The following ABL2 variants were observed in gnomAD, a reference collection of about 807,000 sequenced individuals.
ABL2 encodes tyrosine-protein kinase ABL2.
Under a neutral mutation model 107.7 loss-of-function variants are expected in ABL2, and 49 were observed. The ratio of observed to expected loss-of-function variants is 0.45; its 90% confidence interval spans 0.36 to 0.58. The LOEUF is 0.58. ABL2 is among the 20% of genes least tolerant of loss of function. The pLI, the probability that ABL2 is intolerant of heterozygous loss-of-function variation, is 0.00. For missense variants in ABL2, 1,245 were observed against 1,457.0 expected, an observed-to-expected ratio of 0.85 and a Z score of 2.37; for synonymous variants, 549 against 548.6, an observed-to-expected ratio of 1.00 and a Z score of -0.01.
intron 1 of ABL2, among the ~76,000 whole-genome samples, chr1:179,137,554 T>G (rs1657153175): frequency 6.6e-6 from 1 of 152,108 alleles, no homozygotes; most frequent in South Asian, 2.1e-4. Flanking sequence ...TTTGAAATTA[T>G]AAGAGAAAAA....
chr1:179,208,964 T>C (rs1455800225), intron 1 of ABL2, among the ~76,000 whole-genome samples: 2 of 152,128 alleles, frequency 1.3e-5, no homozygotes, highest in East Asian at 1.9e-4. Context: ...AAGCAAAAAA[T>C]AGGCACTAAC....
intron 1 of ABL2, among the ~76,000 whole-genome samples, chr1:179,168,548 G>C (rs1359378164): frequency 6.6e-6 from 1 of 152,140 alleles, no homozygotes; most frequent in African/African-American, 2.4e-5. Context: ...AAAACTTGTA[G>C]TGAAAAAGGT....
chr1:179,155,720 G>C lies in ABL2; in HGVS notation c.158-22346C>G, dbSNP rs142300928. On this transcript the variant is annotated intron_variant, in intron 1 of 11. Transcript: ENST00000502732. ...CACTCCAGTCTGGGAGACAGAGCAAGACTCCATCTCAATTAAAAAAAAAAA... is the reference window on the plus strand; with the variant it reads ...CACTCCAGTCTGGGAGACAGAGCAACACTCCATCTCAATTAAAAAAAAAAA... Among the ~76,000 whole-genome samples, 687 of 142,930 alleles carry C rather than the reference G, an allele frequency of 4.8e-3. 3 individuals are homozygous for C. The highest frequency in any genetic ancestry group is 7.6e-3 in the East Asian group (38 of 5,008). 93.8% of individuals were successfully genotyped at this position (142,930 alleles called of 152,430 possible). A position where few individuals can be genotyped will look rare whatever the true frequency, so the allele number is the denominator to read the frequency against.
chr1:179,194,414 CA>C (rs1661189376), intron 1 of ABL2, among the ~76,000 whole-genome samples: 1 of 152,114 alleles, frequency 6.6e-6, no homozygotes, highest in African/African-American at 2.4e-5. Context: ...CCTAAAGAGC[CA>C]GGGGTTATCA....
At chr1:179,146,321 A>T (rs1420116192) in intron 1 of ABL2, among the ~76,000 whole-genome samples, 3 of 152,160 alleles carry the variant, frequency 2.0e-5, no homozygotes, top group African/African-American at 7.2e-5. Flanking sequence ...ACTTGGATAC[A>T]ACATAAGAGA....
rs1463662287 is a variant in ABL2 at position 179,105,326 on chromosome 1, C to CA, written c.*2391dup. On this transcript the variant is annotated 3_prime_UTR_variant, in exon 12 of 12. Coordinates refer to ENST00000502732, the MANE Select transcript of ABL2 (RefSeq NM_007314.4). ...GAGCCCTTGCTTAAAAAACAAAAAA[C>CA]AAAAAAACCCTGAAAAACAATTACA... The CA allele has an allele frequency of 3.5e-5, 8 of 231,078 alleles. No individual in the cohort carries two copies. Among genetic ancestry groups the CA allele is most frequent in the African/African-American group, 4.4e-5 (2 of 45,160 alleles). The allele number at this position is 231,078 out of a possible 1,614,324, so 14.3% of individuals were successfully genotyped here. A position where few individuals can be genotyped will look rare whatever the true frequency, so the allele number is the denominator to read the frequency against.
chr1:179,163,609 T>C (rs1228331429), intron 1 of ABL2, among the ~76,000 whole-genome samples: 1 of 152,052 alleles, frequency 6.6e-6, no homozygotes, highest in Non-Finnish European at 1.5e-5. Flanking sequence ...TAGCTGGGCA[T>C]TGTGGCAGGT....
intron 1 of ABL2, among the ~76,000 whole-genome samples, chr1:179,140,166 A>C (rs940508295): frequency 6.6e-6 from 1 of 152,240 alleles, no homozygotes; most frequent in East Asian, 1.9e-4. Context: ...AAGGTCCTTC[A>C]CAATTGGTCT....
intron 8 of ABL2, 51 bp from the exon 9 acceptor site, chr1:179,115,081 T>G: frequency 6.6e-7 from 1 of 1,515,304 alleles, no homozygotes; most frequent in Non-Finnish European, 8.9e-7. Flanking sequence ...CGATTATTTA[T>G]TTTACATAAT....
chr1:179,226,045 A>G (rs1298413039), intron 1 of ABL2, among the ~76,000 whole-genome samples: 2 of 60,922 alleles, frequency 3.3e-5, no homozygotes, highest in African/African-American at 5.9e-5. Flanking sequence ...CTCCGCCTCA[A>G]AAAAAAAAAA....
At chr1:179,176,991 C>G (rs940112732) in intron 1 of ABL2, among the ~76,000 whole-genome samples, 1 of 152,040 alleles carries the variant, frequency 6.6e-6, no homozygotes, top group African/African-American at 2.4e-5. Context: ...CCAACACACA[C>G]GGCCAAGTGT....
chr1:179,172,076 C>A (rs1659756753), intron 1 of ABL2, among the ~76,000 whole-genome samples: 1 of 152,178 alleles, frequency 6.6e-6, no homozygotes. Flanking sequence ...CAAAATAATT[C>A]ATGGCAAAGT....
chr1:179,152,917 A>C (rs546656160), intron 1 of ABL2, among the ~76,000 whole-genome samples: 4 of 152,308 alleles, frequency 2.6e-5, no homozygotes, highest in African/African-American at 9.6e-5. Flanking sequence ...ACAAATATTA[A>C]ATCTCTGGTT....
intron 1 of ABL2, among the ~76,000 whole-genome samples, chr1:179,195,627 C>G (rs1661265423): frequency 6.6e-6 from 1 of 152,088 alleles, no homozygotes; most frequent in African/African-American, 2.4e-5. Context: ...TGGAAGCAAT[C>G]AAAGTAGTCC....
At chr1:179,194,980 A>T (rs550406214) in intron 1 of ABL2, among the ~76,000 whole-genome samples, 1 of 152,290 alleles carries the variant, frequency 6.6e-6, no homozygotes, top group Admixed American at 6.5e-5. Flanking sequence ...ATAATTAGGG[A>T]AATGCATATC....
In ABL2 at chr1:179,107,481, TC is replaced by T; in HGVS notation, c.*236del. 3.0e-6 allele frequency: 2 copies of T among 664,410 alleles called. No individual in the cohort carries two copies. Among genetic ancestry groups the T allele is most frequent in the South Asian group, 4.7e-5 (2 of 42,606 alleles). The allele number at this position is 664,410 out of a possible 1,614,324, so 41.2% of individuals were successfully genotyped here. A position where few individuals can be genotyped will look rare whatever the true frequency, so the allele number is the denominator to read the frequency against. ...ATGTTCCCTATTTTCCAGTGCAGTT[TC>T]CAACCCTGTCCACTACTGCCTTGCC... On this transcript the variant is annotated 3_prime_UTR_variant, in exon 12 of 12. Transcript: ENST00000502732.
chr1:179,157,054 A>G (rs1008563221), intron 1 of ABL2, among the ~76,000 whole-genome samples: 3 of 152,146 alleles, frequency 2.0e-5, no homozygotes, highest in Admixed American at 2.0e-4. Flanking sequence ...CAGCAGCAAC[A>G]ACTCTGCTTT....
intron 1 of ABL2, among the ~76,000 whole-genome samples, chr1:179,219,533 T>C (rs976868859): frequency 5.3e-5 from 8 of 152,250 alleles, no homozygotes; most frequent in Admixed American, 3.9e-4. Flanking sequence ...TAAATTTGCA[T>C]TGGCCAGTGT....
rs190223920 is a variant in ABL2, at chr1:179,127,913, T to C, written c.392-1241A>G. On this transcript the variant is annotated intron_variant, in intron 3 of 11. Transcript: ENST00000502732. The stretch of plus-strand genomic sequence containing the variant: ...CCGGGTGTGATAGTCTGCATGCCTG[T>C]AATCCCAGCTACTCGGGAGGCTGAG... Among the ~76,000 whole-genome samples the C allele has an allele frequency of 7.4e-3, 1,121 of 151,918 alleles. 21 individuals are homozygous for C. The highest frequency in any genetic ancestry group is 0.073 in the South Asian group (351 of 4,816).
Sources: allele counts gnomAD v4.1 joint callset (sites outside exome capture counted in the v4.1 genomes callset), GRCh38; gene constraint gnomAD v4.1.1; transcripts MANE v1.5; gene names NCBI Gene and HGNC (gene_info 2026-07-23, HGNC 2026-07-21).